HYCC2: variants seen among roughly 807,000 people sequenced by gnomAD.
HYCC2 encodes hyccin 2.
chr2:201,047,932 A>G, the HYCC2 span, among the ~76,000 whole-genome samples: 1 of 151,844 alleles, frequency 6.6e-6, no homozygotes, highest in Non-Finnish European at 1.5e-5. Context: ...AGCCTGTACT[A>G]AAAGAAACTT....
At chr2:201,005,856 G>A in the HYCC2 span, among the ~76,000 whole-genome samples, 6 of 151,938 alleles carry the variant, frequency 3.9e-5, no homozygotes, top group Admixed American at 2.0e-4. Context: ...TTTCTGAGAC[G>A]GAGTTTCACT....
the HYCC2 span, among the ~76,000 whole-genome samples, chr2:201,000,747 T>A: frequency 6.6e-6 from 1 of 152,276 alleles, no homozygotes; most frequent in East Asian, 1.9e-4. Flanking sequence ...AAATGTATGT[T>A]CACACAAAAA....
At chr2:201,032,973 T>C in the HYCC2 span, among the ~76,000 whole-genome samples, 1 of 152,082 alleles carries the variant, frequency 6.6e-6, no homozygotes, top group African/African-American at 2.4e-5. Context: ...AGTCTATGTT[T>C]TAGGAGAAAT....
chr2:201,002,612 G>A, the HYCC2 span, among the ~76,000 whole-genome samples: 13 of 150,942 alleles, frequency 8.6e-5, no homozygotes, highest in East Asian at 1.2e-3. Context: ...TGCAACCTCC[G>A]CCTCCCGGGT....
At chr2:201,025,726 A>T in the HYCC2 span, among the ~76,000 whole-genome samples, 5 of 152,146 alleles carry the variant, frequency 3.3e-5, no homozygotes, top group African/African-American at 1.2e-4. Context: ...ACAATGGGCA[A>T]GAGTTGAGGG....
At chr2:201,050,205 C>A in the HYCC2 span, among the ~76,000 whole-genome samples, 2 of 150,164 alleles carry the variant, frequency 1.3e-5, no homozygotes, top group Non-Finnish European at 3.0e-5. Context: ...CAGAGTGACA[C>A]CCTGTCTCAA....
the HYCC2 span, among the ~76,000 whole-genome samples, chr2:201,040,002 G>A: frequency 2.8e-4 from 43 of 152,092 alleles, no homozygotes; most frequent in Middle Eastern, 6.8e-3. Context: ...GTGAAACCCC[G>A]TCTCTACTAA....
the HYCC2 span, among the ~76,000 whole-genome samples, chr2:201,042,619 G>A: frequency 1.3e-5 from 2 of 151,602 alleles, no homozygotes; most frequent in African/African-American, 4.8e-5. Flanking sequence ...GCCCCGTCTG[G>A]GGGAGCCCCT....
chr2:201,034,990 T>G, the HYCC2 span, among the ~76,000 whole-genome samples: 2 of 152,232 alleles, frequency 1.3e-5, no homozygotes, highest in Non-Finnish European at 2.9e-5. Context: ...CTGATGGGCT[T>G]CCCTTTGTGG....
At chr2:201,040,443 T>G in the HYCC2 span, among the ~76,000 whole-genome samples, 1 of 151,210 alleles carries the variant, frequency 6.6e-6, no homozygotes, top group Non-Finnish European at 1.5e-5. Flanking sequence ...AATAGCATTT[T>G]GTTGTTATTG....
At chr2:201,026,722 A>C in the HYCC2 span, among the ~76,000 whole-genome samples, 2 of 152,204 alleles carry the variant, frequency 1.3e-5, no homozygotes, top group African/African-American at 2.4e-5. Context: ...CTACTGGGTA[A>C]ATAAGGAAAT....
At chr2:201,065,470 T>G in the HYCC2 span, among the ~76,000 whole-genome samples, 3 of 152,250 alleles carry the variant, frequency 2.0e-5, no homozygotes, top group African/African-American at 7.2e-5. Context: ...CTGCAATTGT[T>G]GGCTTGTATA....
chr2:200,997,468 T>C, the HYCC2 span: 26 of 1,611,766 alleles, frequency 1.6e-5, no homozygotes, highest in Non-Finnish European at 2.1e-5. Flanking sequence ...GACAAAGAGA[T>C]TGGTAAGATG....
the HYCC2 span, among the ~76,000 whole-genome samples, chr2:201,008,659 CT>C: frequency 1.8e-4 from 27 of 151,984 alleles, no homozygotes; most frequent in Admixed American, 5.9e-4. Flanking sequence ...CTTTGTGAGG[CT>C]GAGGCAGGAG....
At chr2:201,009,379 T>A in the HYCC2 span, 2 of 245,922 alleles carry the variant, frequency 8.1e-6, no homozygotes, top group Admixed American at 9.7e-5. Context: ...AGGTTAAAAA[T>A]ACATCCATTT....
chr2:201,048,566 C>G, the HYCC2 span, among the ~76,000 whole-genome samples: 1 of 150,266 alleles, frequency 6.7e-6, no homozygotes, highest in Non-Finnish European at 1.5e-5. Flanking sequence ...TATGTATGGC[C>G]CAAGACAATT....
At chr2:201,043,243 G>A in the HYCC2 span, among the ~76,000 whole-genome samples, 47 of 152,024 alleles carry the variant, frequency 3.1e-4, no homozygotes, top group Admixed American at 1.0e-3. Flanking sequence ...TACTCCTTAA[G>A]AGTCATCACC....
At chr2:201,044,212 T>C in the HYCC2 span, among the ~76,000 whole-genome samples, 1 of 152,210 alleles carries the variant, frequency 6.6e-6, no homozygotes, top group East Asian at 1.9e-4. Flanking sequence ...AAAATGACTA[T>C]CTTTATGATA....
At chr2:200,987,478 T>G in the HYCC2 span, 1 of 1,289,658 alleles carries the variant, frequency 7.8e-7, no homozygotes, top group African/African-American at 1.5e-5. Flanking sequence ...GGAGCCGTGT[T>G]GGATCGGGGA....
Sources: gnomAD v4.1 joint callset for allele counts (sites outside exome capture counted in the v4.1 genomes callset) on GRCh38, gnomAD v4.1.1 for gene constraint, MANE v1.5 for transcripts, NCBI Gene and HGNC (gene_info 2026-07-23, HGNC 2026-07-21) for gene names.